Variants in RAPGEF6 observed in about 807,000 individuals in gnomAD.
RAPGEF6 encodes PDZ domain containing guanine nucleotide exchange factor (GEF) 2.
RAPGEF6 carries 56 observed loss-of-function variants against 171.4 expected under a neutral mutation model. The observed-to-expected ratio is 0.33, with a 90% CI of 0.26 to 0.41. The LOEUF is 0.41. Ranked by LOEUF, RAPGEF6 falls within the 10% of genes least tolerant of loss-of-function variation. RAPGEF6 has a pLI of 1.00. For missense variants in RAPGEF6, 1,674 were observed against 1,921.4 expected (o/e 0.87, Z 2.41); for synonymous variants, 692 against 650.1 (o/e 1.06, Z -0.98).
chr5:131,618,267 G>C (rs1325747246), intron 1 of RAPGEF6, among the ~76,000 whole-genome samples: 2 of 152,156 alleles, frequency 1.3e-5, no homozygotes, highest in African/African-American at 4.8e-5. Flanking sequence ...TTAAAAAAGA[G>C]AGGAGAAAGG....
chr5:131,556,698 G>T (rs1259460224), intron 5 of RAPGEF6, among the ~76,000 whole-genome samples: 1 of 151,932 alleles, frequency 6.6e-6, no homozygotes, highest in Non-Finnish European at 1.5e-5. Context: ...TCTTTCTCAG[G>T]TTTCTTCTAG....
chr5:131,436,957 A>G (rs981891210), intron 24 of RAPGEF6, among the ~76,000 whole-genome samples: 13 of 152,184 alleles, frequency 8.5e-5, no homozygotes, highest in Admixed American at 7.9e-4. Context: ...CTCATGCAAA[A>G]CATGAAGACA....
chr5:131,461,889 T>C lies in RAPGEF6; in HGVS notation c.2680A>G (p.Lys894Glu). ...YIDDLFKLNS[K>E]TGNTHLKRFE... is the part of the protein sequence containing the mutation. ...CTCTTCAAATGAGTATTTCCTGTTT[T>C]GGAATTTAACTTAAAAAGGTCATCG... The change falls in exon 19 of 28, where the codon AAA becomes GAA. Residue 894 changes from lysine to glutamate, a missense_variant. Lys to Glu is a moderately conservative substitution (Grantham distance 56). Around this residue, in one of 3 missense-constraint regions of RAPGEF6, gnomAD observed 1,116 missense variants for 1,321.5 expected, o/e 0.84. Coordinates refer to ENST00000509018, the MANE Select transcript of RAPGEF6 (RefSeq NM_016340.6). 6.2e-7 allele frequency: 1 copy of C among 1,614,160 alleles called. No homozygotes were observed. The highest frequency in any genetic ancestry group is 1.1e-5 in the South Asian group (1 of 91,082).
At chr5:131,506,500 C>T (rs1561519672) in intron 9 of RAPGEF6, among the ~76,000 whole-genome samples, 1 of 152,114 alleles carries the variant, frequency 6.6e-6, no homozygotes, top group Non-Finnish European at 1.5e-5. Context: ...AATATCAAAC[C>T]CTCTTATAAG....
chr5:131,533,742 C>A (rs942928127), intron 6 of RAPGEF6, among the ~76,000 whole-genome samples: 1 of 152,056 alleles, frequency 6.6e-6, no homozygotes, highest in Non-Finnish European at 1.5e-5. Flanking sequence ...CAACATGGTA[C>A]TTTCCTGTAG....
chr5:131,433,015 C>T (rs970964864), intron 25 of RAPGEF6, among the ~76,000 whole-genome samples: 2 of 151,154 alleles, frequency 1.3e-5, no homozygotes, highest in Non-Finnish European at 2.9e-5. Flanking sequence ...CCCCAAATTA[C>T]ACTTTCAGAG....
chr5:131,427,349 A>C, intron 27 of RAPGEF6, 58 bp from the exon 28 acceptor site: 3 of 1,386,744 alleles, frequency 2.2e-6, no homozygotes, highest in South Asian at 1.2e-5. Flanking sequence ...AGATCCTAAT[A>C]ATCTAGTTAT....
chr5:131,449,399 A>G (rs1210618129), intron 21 of RAPGEF6, among the ~76,000 whole-genome samples: 1 of 152,196 alleles, frequency 6.6e-6, no homozygotes, highest in Admixed American at 6.5e-5. Context: ...GAGGAAATAA[A>G]ATCATCTTCT....
intron 6 of RAPGEF6, among the ~76,000 whole-genome samples, chr5:131,523,640 C>G (rs561504938): frequency 6.6e-6 from 1 of 152,044 alleles, no homozygotes; most frequent in African/African-American, 2.4e-5. Context: ...GTAAGAGCCA[C>G]AGGAGATTCA....
intron 7 of RAPGEF6, among the ~76,000 whole-genome samples, chr5:131,517,252 C>A (rs143817431): frequency 6.6e-6 from 1 of 152,000 alleles, no homozygotes; most frequent in Non-Finnish European, 1.5e-5. Flanking sequence ...CACATGTACC[C>A]CCCTGCATCT....
intron 3 of RAPGEF6, among the ~76,000 whole-genome samples, chr5:131,598,312 G>A (rs1764024244): frequency 6.6e-6 from 1 of 151,934 alleles, no homozygotes; most frequent in South Asian, 2.1e-4. Flanking sequence ...ACGGGAAGAT[G>A]GAAAACAGTG....
At chr5:131,509,994 C>T (rs1336519853) in intron 8 of RAPGEF6, among the ~76,000 whole-genome samples, 7 of 152,158 alleles carry the variant, frequency 4.6e-5, no homozygotes, top group African/African-American at 9.7e-5. Context: ...ATTAAGCAGC[C>T]TATCAGAGGC....
At chr5:131,591,649 C>A (rs908530336) in intron 4 of RAPGEF6, among the ~76,000 whole-genome samples, 1 of 152,126 alleles carries the variant, frequency 6.6e-6, no homozygotes, top group Non-Finnish European at 1.5e-5. Flanking sequence ...CATGACAATA[C>A]TTAAGTAGGT....
intron 4 of RAPGEF6, among the ~76,000 whole-genome samples, chr5:131,566,450 A>G (rs1761942403): frequency 6.6e-6 from 1 of 152,182 alleles, no homozygotes; most frequent in South Asian, 2.1e-4. Context: ...ATGGTATAAA[A>G]TACTTTAAAT....
chr5:131,459,403 G>C (rs2149832325), intron 19 of RAPGEF6, among the ~76,000 whole-genome samples: 1 of 152,240 alleles, frequency 6.6e-6, no homozygotes, highest in East Asian at 1.9e-4. Context: ...GAACTACCAG[G>C]ATTTCCCATT....
At chr5:131,572,413 G>T (rs1214668674) in intron 4 of RAPGEF6, among the ~76,000 whole-genome samples, 1 of 152,008 alleles carries the variant, frequency 6.6e-6, no homozygotes, top group Non-Finnish European at 1.5e-5. Context: ...TCCCTTCCAG[G>T]TAGAGACAAA....
intron 15 of RAPGEF6, 136 bp from the exon 16 acceptor site, chr5:131,479,889 A>AGTGTTT: frequency 1.1e-6 from 1 of 871,012 alleles, no homozygotes; most frequent in South Asian, 1.8e-5. Flanking sequence ...AAACACTGTC[A>AGTGTTT]AGTATTTACC....
intron 11 of RAPGEF6, among the ~76,000 whole-genome samples, chr5:131,499,959 C>A (rs1222506690): frequency 3.9e-5 from 6 of 152,150 alleles, no homozygotes; most frequent in South Asian, 2.1e-4. Context: ...AGTGCCGCTG[C>A]GCGATCTCAG....
rs191387563 is a variant in RAPGEF6, at chr5:131,620,890, G to A, written c.69+14072C>T. 2.1e-4 allele frequency among the ~76,000 whole-genome samples: 32 copies of A among 152,126 alleles called. 1 individual carries two copies. In the South Asian group the frequency reaches 2.3e-3, roughly 11 times the overall value. On this transcript the variant is annotated intron_variant, in intron 1 of 27. Coordinates refer to ENST00000509018, the MANE Select transcript of RAPGEF6 (RefSeq NM_016340.6). Reference sequence around the variant, plus strand: ...TACAGGCATGACAAACCATGCCCACGGTAAAATCCACTCTTCACATATACT... The same window carrying A: ...TACAGGCATGACAAACCATGCCCACAGTAAAATCCACTCTTCACATATACT...
Sources: allele counts gnomAD v4.1 joint callset (sites outside exome capture counted in the v4.1 genomes callset), GRCh38; gene constraint gnomAD v4.1.1; regional missense constraint gnomAD v4.1.1; transcripts MANE v1.5; gene names NCBI Gene and HGNC (gene_info 2026-07-23, HGNC 2026-07-21).